The following CNBD1 variants were observed in gnomAD, a reference collection of about 807,000 sequenced individuals.
The protein encoded by CNBD1 is cyclic nucleotide binding domain containing 1.
In CNBD1, 71 loss-of-function variants were observed where a neutral mutation model predicts 54.4. The observed-to-expected ratio is 1.30, with a 90% confidence interval of 1.08 to 1.59. The LOEUF (loss-of-function observed/expected upper bound fraction) is 1.59. CNBD1 is among the 40% of genes most tolerant of loss of function. CNBD1 has a pLI of 0.00. For missense variants in CNBD1, 659 were observed against 518.0 expected (o/e 1.27, Z -2.64); for synonymous variants, 182 against 170.7 (o/e 1.07, Z -0.51).
intron 4 of CNBD1, among the ~76,000 whole-genome samples, chr8:87,156,333 C>T (rs2130754341): frequency 8.6e-6 from 1 of 116,672 alleles, no homozygotes; most frequent in Non-Finnish European, 1.8e-5. Context: ...CAACCTCTGC[C>T]TCCTGAGTTC....
rs1171632961 is a variant in CNBD1 at position 87,322,522 on chromosome 8, A to T, written c.1043-29163A>T. 6.5e-3 allele frequency among the ~76,000 whole-genome samples: 786 copies of T among 120,694 alleles called. 121 individuals are homozygous for T. Among genetic ancestry groups the T allele is most frequent in the African/African-American group, 0.023 (747 of 32,218 alleles). 79.2% of individuals were successfully genotyped at this position (120,694 alleles called of 152,430 possible). ...TAACTGGTGTGAGATGATATCTCAT[A>T]GTGGTTTTGATTTGCATTTCTCTGA... On this transcript the variant is annotated intron_variant, in intron 8 of 10. Coordinates refer to ENST00000518476, the MANE Select transcript of CNBD1 (RefSeq NM_173538.3).
At chr8:87,389,260 G>T (rs1343682489) in intron 2 of CNBD1, among the ~76,000 whole-genome samples, 2 of 152,132 alleles carry the variant, frequency 1.3e-5, no homozygotes, top group Non-Finnish European at 1.5e-5. Flanking sequence ...GGGCAATCAG[G>T]CAGGAGAAGG....
At chr8:86,870,715 T>C (rs1240720502) in intron 1 of CNBD1, among the ~76,000 whole-genome samples, 2 of 151,816 alleles carry the variant, frequency 1.3e-5, no homozygotes, top group African/African-American at 4.8e-5. Context: ...ACCATTCAAA[T>C]CCTAGGAATG....
chr8:87,382,396 T>G (rs1023621634), intron 10 of CNBD1, among the ~76,000 whole-genome samples: 1 of 152,022 alleles, frequency 6.6e-6, no homozygotes, highest in East Asian at 1.9e-4. Flanking sequence ...CATATAATTA[T>G]AGAATTTTCC....
intron 4 of CNBD1, among the ~76,000 whole-genome samples, chr8:87,027,016 T>C (rs989054355): frequency 2.0e-5 from 3 of 152,206 alleles, no homozygotes; most frequent in Admixed American, 2.0e-4. Flanking sequence ...AAAGCCACCT[T>C]GTTTGTTAAA....
intron 8 of CNBD1, among the ~76,000 whole-genome samples, chr8:87,321,163 T>C (rs1586010307): frequency 5.0e-5 from 3 of 59,834 alleles, no homozygotes; most frequent in Admixed American, 4.3e-4. Flanking sequence ...TTTTTTGAGA[T>C]CCTGATTTCA....
At chr8:86,875,298 A>G (rs1383347419) in intron 1 of CNBD1, among the ~76,000 whole-genome samples, 1 of 152,086 alleles carries the variant, frequency 6.6e-6, no homozygotes, top group Non-Finnish European at 1.5e-5. Context: ...GACTCTGCAC[A>G]GTCCCACCTT....
intron 4 of CNBD1, among the ~76,000 whole-genome samples, chr8:87,150,936 GTAAGTGTTCTAAAA>G (rs1161211458): frequency 6.6e-6 from 1 of 152,158 alleles, no homozygotes; most frequent in Non-Finnish European, 1.5e-5. Flanking sequence ...ATTTACAGTT[GTAAGTGTTCTAAAA>G]TAAATGCTTT....
intron 4 of CNBD1, among the ~76,000 whole-genome samples, chr8:86,960,538 G>A (rs1038151409): frequency 5.3e-5 from 8 of 152,146 alleles, no homozygotes; most frequent in Non-Finnish European, 1.2e-4. Flanking sequence ...GCCTACCTCT[G>A]TAGACTCCAC....
chr8:87,057,410 A>G (rs1334262531), intron 4 of CNBD1, among the ~76,000 whole-genome samples: 1 of 152,170 alleles, frequency 6.6e-6, no homozygotes, highest in Non-Finnish European at 1.5e-5. Context: ...AGTCATCACC[A>G]CCATGATTCA....
chr8:87,015,060 G>T (rs1023191498), intron 4 of CNBD1, among the ~76,000 whole-genome samples: 6 of 152,164 alleles, frequency 3.9e-5, no homozygotes, highest in Non-Finnish European at 8.8e-5. Flanking sequence ...AATTCAGTTG[G>T]CTATAATTAA....
At chr8:87,029,301 C>G (rs1276405499) in intron 4 of CNBD1, among the ~76,000 whole-genome samples, 1 of 152,130 alleles carries the variant, frequency 6.6e-6, no homozygotes, top group African/African-American at 2.4e-5. Context: ...AGAAGCCAAA[C>G]AAGCAAACAA....
chr8:87,411,033 C>T (rs573179338), intron 2 of CNBD1, among the ~76,000 whole-genome samples: 98 of 152,034 alleles, frequency 6.4e-4, no homozygotes, highest in African/African-American at 2.2e-3. Flanking sequence ...TTAAACATAA[C>T]TTTTATATGC....
chr8:86,930,914 A>T (rs1311578714), intron 3 of CNBD1, among the ~76,000 whole-genome samples: 1 of 152,006 alleles, frequency 6.6e-6, no homozygotes, highest in Non-Finnish European at 1.5e-5. Flanking sequence ...TCTGATTTGG[A>T]TTGGGTGGGC....
intron 3 of CNBD1, among the ~76,000 whole-genome samples, chr8:86,909,932 T>C (rs1809075488): frequency 6.6e-6 from 1 of 152,214 alleles, no homozygotes. Context: ...GTAGCTATTA[T>C]ATAGCAGGCA....
intron 4 of CNBD1, among the ~76,000 whole-genome samples, chr8:87,069,510 T>C (rs1392852079): frequency 6.6e-6 from 1 of 152,076 alleles, no homozygotes; most frequent in Non-Finnish European, 1.5e-5. Context: ...CCAGGAGCAA[T>C]AGGCTATACC....
intron 2 of CNBD1, among the ~76,000 whole-genome samples, chr8:87,415,345 C>A (rs1807818069): frequency 6.6e-6 from 1 of 151,998 alleles, no homozygotes; most frequent in African/African-American, 2.4e-5. Flanking sequence ...CTGGTCTGAG[C>A]ACTTTAGAAC....
Position 87,307,748 on chromosome 8 carries a change from T to TTATATATATATATATA in CNBD1, c.1042+21080_1042+21095dup, listed in dbSNP as rs35262193. Among the ~76,000 whole-genome samples, 1,078 of 137,862 alleles carry TTATATATATATATATA rather than the reference T, an allele frequency of 7.8e-3. 31 individuals are homozygous for TTATATATATATATATA. Among genetic ancestry groups the TTATATATATATATATA allele is most frequent in the African/African-American group, 0.028 (981 of 34,778 alleles). 90.4% of individuals were successfully genotyped at this position (137,862 alleles called of 152,430 possible). ...GTGAAACTCCGTCTCAAAAAAAAAA[T>TTATATATATATATATA]TATATATATATATATATAACTTAGC... On this transcript the variant is annotated intron_variant, in intron 8 of 10. Coordinates refer to ENST00000518476, the MANE Select transcript of CNBD1 (RefSeq NM_173538.3).
chr8:87,248,208 G>A (rs1477546322), intron 6 of CNBD1, among the ~76,000 whole-genome samples: 1 of 152,112 alleles, frequency 6.6e-6, no homozygotes, highest in Non-Finnish European at 1.5e-5. Context: ...GTGTACCATG[G>A]TGACTCATTA....
Sources: gnomAD v4.1 joint callset for allele counts (sites outside exome capture counted in the v4.1 genomes callset) on GRCh38, gnomAD v4.1.1 for gene constraint, MANE v1.5 for transcripts, NCBI Gene and HGNC (gene_info 2026-07-23, HGNC 2026-07-21) for gene names.